Variants in PIK3CD observed in about 807,000 individuals in gnomAD.
PIK3CD encodes phosphatidylinositol-4,5-bisphosphate 3-kinase catalytic subunit delta.
PIK3CD carries 20 observed loss-of-function variants against 122.9 expected under a neutral mutation model. That is an observed-to-expected ratio of 0.16 (90% confidence interval 0.11 to 0.24). PIK3CD has a LOEUF of 0.24. Among genes scored for constraint, PIK3CD ranks in the 10% least tolerant of loss-of-function variants. The pLI is 1.00. For missense variants in PIK3CD, 787 were observed against 1,406.3 expected, an observed-to-expected ratio of 0.56 and a Z score of 7.04; for synonymous variants, 596 against 593.4, an observed-to-expected ratio of 1.00 and a Z score of -0.06.
At chr1:9,634,154 T>G in the PIK3CD span, among the ~76,000 whole-genome samples, 1 of 147,042 alleles carries the variant, frequency 6.8e-6, no homozygotes, top group African/African-American at 2.5e-5. Flanking sequence ...GGGTTGTTTT[T>G]TTTTTTTTTT....
In PIK3CD at chr1:9,652,328, C is replaced by T. The variant is rs939776988; in HGVS notation, c.-138+526C>T. 6.6e-6 allele frequency among the ~76,000 whole-genome samples: 1 copy of T among 152,060 alleles called. No individual in the cohort carries two copies. The highest frequency in any genetic ancestry group is 2.4e-5 in the African/African-American group (1 of 41,424). On this transcript the variant is annotated intron_variant, in intron 1 of 23. Coordinates refer to ENST00000377346, the MANE Select transcript of PIK3CD (RefSeq NM_005026.5). This position sits in a 1 kb window ranked among gnomAD's most constrained non-coding sequence, Gnocchi z 6.2. ...CGGAGAGAGGGCTGCGCACAGTTCG[C>T]CGGCGCCCGGGTCCTGTGCGCCCTT...
chr1:9,711,929 C>T (rs1557655299), intron 3 of PIK3CD, among the ~76,000 whole-genome samples: 3 of 151,910 alleles, frequency 2.0e-5, no homozygotes, highest in African/African-American at 7.3e-5. Context: ...TGGAGTCCCG[C>T]TCTGTCGCCC....
chr1:9,654,511 T>G, intron 1 of PIK3CD: 2 of 621,014 alleles, frequency 3.2e-6, no homozygotes, highest in Non-Finnish European at 2.4e-6. Context: ...CGCACAACTG[T>G]CCGATGGAAT....
chr1:9,697,718 G>A (rs958151289), intron 2 of PIK3CD, among the ~76,000 whole-genome samples: 1 of 151,564 alleles, frequency 6.6e-6, no homozygotes, highest in Non-Finnish European at 1.5e-5. Flanking sequence ...GGGCAACAAA[G>A]TGAGACCCTG....
At chr1:9,698,454 C>T (rs1303902195) in intron 2 of PIK3CD, among the ~76,000 whole-genome samples, 1 of 152,196 alleles carries the variant, frequency 6.6e-6, no homozygotes. Flanking sequence ...TCTATGCTTT[C>T]TAAAATGCTT....
the PIK3CD span, among the ~76,000 whole-genome samples, chr1:9,635,062 C>T: frequency 8.5e-5 from 13 of 152,210 alleles, no homozygotes; most frequent in South Asian, 4.1e-4. Context: ...GAGGCCAAGA[C>T]GGGTGGGTCA....
In PIK3CD at chr1:9,711,670, G is replaced by A. The variant is rs571291141; in HGVS notation, c.141+1074G>A. On this transcript the variant is annotated intron_variant, in intron 3 of 23. Transcript: ENST00000377346. Reference sequence around the variant, plus strand: ...CTCACTGCAGCCTCAATCTCCCCAGGCTTAGGTGAGCCTCTTACCTCAGCC... The same window carrying A: ...CTCACTGCAGCCTCAATCTCCCCAGACTTAGGTGAGCCTCTTACCTCAGCC... 1.5e-3 allele frequency among the ~76,000 whole-genome samples: 235 copies of A among 152,054 alleles called. 1 individual carries two copies. The highest frequency in any genetic ancestry group is 2.9e-3 in the Non-Finnish European group (194 of 67,974).
intron 2 of PIK3CD, among the ~76,000 whole-genome samples, chr1:9,707,532 G>T (rs1028985215): frequency 4.6e-5 from 7 of 151,722 alleles, no homozygotes; most frequent in African/African-American, 1.7e-4. Context: ...TCCACCCTCA[G>T]GCCCCCGTGT....
intron 2 of PIK3CD, among the ~76,000 whole-genome samples, chr1:9,694,075 G>A (rs1366087261): frequency 2.0e-5 from 3 of 152,194 alleles, no homozygotes; most frequent in African/African-American, 7.2e-5. Context: ...AGGGTCAAGC[G>A]AGTTAGTTTG....
rs1649876770 is a variant in PIK3CD, at chr1:9,727,642, TCAC to T, written c.*600_*602del. 4.6e-6 allele frequency: 1 copy of T among 218,202 alleles called. No homozygotes were observed. Among genetic ancestry groups the T allele is most frequent in the South Asian group, 1.3e-4 (1 of 7,662 alleles). 13.5% of individuals were successfully genotyped at this position (218,202 alleles called of 1,614,324 possible). Reference sequence around the variant, plus strand: ...TGCAGGTAAGAAAATAATAGATGACTCACCACACCTCTACGGCTGGGGAGATCA... The same window carrying T: ...TGCAGGTAAGAAAATAATAGATGACTCACACCTCTACGGCTGGGGAGATCA... On this transcript the variant is annotated 3_prime_UTR_variant, in exon 24 of 24. Transcript: ENST00000377346.
chr1:9,708,704 T>C (rs1646938190), intron 2 of PIK3CD, among the ~76,000 whole-genome samples: 1 of 151,656 alleles, frequency 6.6e-6, no homozygotes, highest in Admixed American at 6.6e-5. Context: ...CAAAAATTAG[T>C]TGGACGTGGT....
the PIK3CD span, among the ~76,000 whole-genome samples, chr1:9,629,165 A>G: frequency 6.6e-6 from 1 of 152,060 alleles, no homozygotes; most frequent in Non-Finnish European, 1.5e-5. Context: ...CCCGGGAGGA[A>G]AGGGTGAGTC....
chr1:9,660,266 C>G (rs1223187238), intron 1 of PIK3CD, among the ~76,000 whole-genome samples: 1 of 152,242 alleles, frequency 6.6e-6, no homozygotes, highest in African/African-American at 2.4e-5. Flanking sequence ...TGCTCCCACT[C>G]TATGGCTTTT....
the PIK3CD span, among the ~76,000 whole-genome samples, chr1:9,629,709 G>C: frequency 6.6e-6 from 1 of 152,004 alleles, no homozygotes; most frequent in African/African-American, 2.4e-5. Flanking sequence ...TGTGAAGTTC[G>C]GTCTAAAACA....
chr1:9,716,616 C>T lies in PIK3CD; in HGVS notation c.777C>T (p.Phe259=), dbSNP rs1481648279. Reference sequence around the variant, plus strand: ...ATGGCAGCTACCCGCTCTGCCAGTTCCAGGTGAGGCCGCTGAGGCCCTCTG... The same window carrying T: ...ATGGCAGCTACCCGCTCTGCCAGTTTCAGGTGAGGCCGCTGAGGCCCTCTG... ...YLYGSYPLCQ[F]QYICSCLHSG... is the part of the protein sequence containing the mutation. The change falls in exon 6 of 24, where the codon TTC becomes TTT. Residue 259 remains phenylalanine, a synonymous_variant. Coordinates refer to ENST00000377346, the MANE Select transcript of PIK3CD (RefSeq NM_005026.5). 2 of 1,554,676 alleles carry T rather than the reference C, an allele frequency of 1.3e-6. No homozygotes were observed. The highest frequency in any genetic ancestry group is 1.4e-5 in the African/African-American group (1 of 73,150).
At position 9,729,045 on chromosome 1, in the gene PIK3CD, T is replaced by C. The variant is rs1650154620; in HGVS notation, c.*1999T>C. ...CTGGAGTTAGTTAGAACCAGAACTT[T>C]ATTGTAGCGGATACACTTTCTGACC... On this transcript the variant is annotated 3_prime_UTR_variant, in exon 24 of 24. Coordinates refer to ENST00000377346, the MANE Select transcript of PIK3CD (RefSeq NM_005026.5). The C allele has an allele frequency of 6.6e-6, 1 of 152,212 alleles. No individual in the cohort carries two copies. Among genetic ancestry groups the C allele is most frequent in the Non-Finnish European group, 1.5e-5 (1 of 68,044 alleles). The allele number at this position is 152,212 out of a possible 1,614,324, so 9.4% of individuals were successfully genotyped here.
At chr1:9,673,692 A>G (rs1373348931) in intron 1 of PIK3CD, among the ~76,000 whole-genome samples, 1 of 152,148 alleles carries the variant, frequency 6.6e-6, no homozygotes, top group South Asian at 2.1e-4. Flanking sequence ...TGTGAGCCAC[A>G]GCGCCCGGCC....
chr1:9,633,044 G>A, the PIK3CD span, among the ~76,000 whole-genome samples: 1 of 151,954 alleles, frequency 6.6e-6, no homozygotes, highest in Non-Finnish European at 1.5e-5. Flanking sequence ...TGTATTTTTA[G>A]TAGAGACGAG....
intron 3 of PIK3CD, among the ~76,000 whole-genome samples, chr1:9,713,075 C>T (rs1382817574): frequency 6.6e-6 from 1 of 151,768 alleles, no homozygotes; most frequent in African/African-American, 2.4e-5. Flanking sequence ...CCCAGCTACT[C>T]GGGAGGCTGA....
Sources: gnomAD v4.1 joint callset for allele counts (sites outside exome capture counted in the v4.1 genomes callset) on GRCh38, gnomAD v4.1.1 for gene constraint, Gnocchi (gnomAD v3.1) non-coding constraint, MANE v1.5 for transcripts, NCBI Gene and HGNC (gene_info 2026-07-23, HGNC 2026-07-21) for gene names.